The following CRMP1 variants were observed in gnomAD, a reference collection of about 807,000 sequenced individuals.
CRMP1 encodes dihydropyrimidinase-related protein 1.
Under a neutral mutation model 68.3 loss-of-function variants are expected in CRMP1, and 19 were observed. That is an observed-to-expected ratio of 0.28 (90% CI 0.19 to 0.41). The LOEUF (loss-of-function observed/expected upper bound fraction) is 0.41, where lower values mean the gene tolerates loss of function less well. Ranked by LOEUF, CRMP1 falls within the 10% of genes least tolerant of loss-of-function variation. CRMP1 has a pLI of 1.00. For synonymous variants in CRMP1, 439 were observed against 399.6 expected (o/e 1.10, Z -1.18); for missense variants, 791 against 967.4 (o/e 0.82, Z 2.42).
chr4:5,847,693 T>G (rs902094097), intron 6 of CRMP1, among the ~76,000 whole-genome samples: 3 of 152,258 alleles, frequency 2.0e-5, no homozygotes, highest in African/African-American at 7.2e-5. Context: ...TGAACCATCA[T>G]GTTGCTCTTC....
chr4:5,833,581 T>C lies in CRMP1; in HGVS notation c.1623+2334A>G, dbSNP rs918590451. On this transcript the variant is annotated intron_variant, in intron 11 of 13. Coordinates refer to ENST00000324989, the MANE Select transcript of CRMP1 (RefSeq NM_001014809.3). The stretch of plus-strand genomic sequence containing the variant: ...TCCTCTCTCTCTCTCCATTTTCTCA[T>C]TTATCAATAACAATATACCTAACTT... 2.0e-4 allele frequency among the ~76,000 whole-genome samples: 31 copies of C among 152,190 alleles called. 1 individual carries two copies. Among genetic ancestry groups the C allele is most frequent in the Admixed American group, 1.7e-3 (26 of 15,284 alleles).
Position 5,888,509 on chromosome 4 carries a change from G to A in CRMP1, c.381+4080C>T. The A allele has an allele frequency of 1.7e-6, 2 of 1,195,944 alleles. No individual in the cohort carries two copies. Among genetic ancestry groups the A allele is most frequent in the Non-Finnish European group, 2.1e-6 (2 of 965,138 alleles). 74.1% of individuals were successfully genotyped at this position (1,195,944 alleles called of 1,614,324 possible). ...AGGAGGGCGGGAGAAGGAGGAGGGA[G>A]AGGCGAGGGCGGGAGGAGGGGGCTG... On this transcript the variant is annotated intron_variant, in intron 1 of 13. Coordinates refer to ENST00000324989, the MANE Select transcript of CRMP1 (RefSeq NM_001014809.3). The surrounding 1 kb of genome is among the most constrained non-coding windows in gnomAD (Gnocchi z 6.4).
intron 6 of CRMP1, among the ~76,000 whole-genome samples, chr4:5,847,588 G>C (rs931009931): frequency 6.6e-6 from 1 of 152,160 alleles, no homozygotes; most frequent in African/African-American, 2.4e-5. Context: ...CATTGAATTT[G>C]AAAGAATTTC....
In CRMP1 at chr4:5,842,669, TACACACACTCACAC is replaced by T. The variant is rs1711864490; in HGVS notation, c.1032+410_1032+423del. The stretch of plus-strand genomic sequence containing the variant: ...TCTCTCTCACACACACACACTAACA[TACACACACTCACAC>T]ACACACATACACACACAGCCAGTCC... On this transcript the variant is annotated intron_variant, in intron 7 of 13. Coordinates refer to ENST00000324989, the MANE Select transcript of CRMP1 (RefSeq NM_001014809.3). This position sits in a 1 kb window ranked among gnomAD's most constrained non-coding sequence, Gnocchi z 4.5. Among the ~76,000 whole-genome samples the T allele has an allele frequency of 6.7e-6, 1 of 150,270 alleles. No homozygotes were observed. The highest frequency in any genetic ancestry group is 1.5e-5 in the Non-Finnish European group (1 of 67,504).
In CRMP1 at chr4:5,820,809, T is replaced by A. The variant is rs953612747; in HGVS notation, c.*951A>T. ...CAGTGGGCAGTTCATTTTCTTTATT[T>A]TTTCACAAGCTTTGAATTCAGAAAT... On this transcript the variant is annotated 3_prime_UTR_variant, in exon 14 of 14. Transcript: ENST00000324989. The A allele has an allele frequency of 6.6e-6, 1 of 150,578 alleles. No homozygotes were observed. Among genetic ancestry groups the A allele is most frequent in the African/African-American group, 2.5e-5 (1 of 40,390 alleles). The allele number at this position is 150,578 out of a possible 1,614,324, so 9.3% of individuals were successfully genotyped here. A position where few individuals can be genotyped will look rare whatever the true frequency, so the allele number is the denominator to read the frequency against.
intron 5 of CRMP1, among the ~76,000 whole-genome samples, chr4:5,851,178 G>A (rs1320690592): frequency 6.6e-6 from 1 of 152,148 alleles, no homozygotes; most frequent in East Asian, 1.9e-4. Context: ...CCAGATTTGG[G>A]AGCCACCAAA....
intron 9 of CRMP1, 127 bp from the exon 10 acceptor site, chr4:5,837,033 G>C (rs969019972): frequency 1.8e-6 from 2 of 1,091,784 alleles, no homozygotes; most frequent in South Asian, 3.2e-5. Flanking sequence ...GTGGGTAAGA[G>C]AGACTCTCTA....
chr4:5,861,324 G>A lies in CRMP1; in HGVS notation c.471-114C>T. The A allele has an allele frequency of 9.6e-7, 1 of 1,045,878 alleles. No homozygotes were observed. The highest frequency in any genetic ancestry group is 1.4e-6 in the Non-Finnish European group (1 of 716,452). The allele number at this position is 1,045,878 out of a possible 1,614,324, so 64.8% of individuals were successfully genotyped here. A position where few individuals can be genotyped will look rare whatever the true frequency, so the allele number is the denominator to read the frequency against. On this transcript the variant is annotated intron_variant, in intron 2 of 13. Coordinates refer to ENST00000324989, the MANE Select transcript of CRMP1 (RefSeq NM_001014809.3). The surrounding 1 kb of genome is among the most constrained non-coding windows in gnomAD (Gnocchi z 6.0). ...ATTTCTGAGCCAGGCCCTTCACAAGGCCCTGGGGAGACAGAGATAACTCAG... is the reference window on the plus strand; with the variant it reads ...ATTTCTGAGCCAGGCCCTTCACAAGACCCTGGGGAGACAGAGATAACTCAG...
intron 11 of CRMP1, among the ~76,000 whole-genome samples, chr4:5,832,040 TC>T (rs769667220): frequency 2.6e-5 from 4 of 152,182 alleles, no homozygotes; most frequent in Non-Finnish European, 2.9e-5. Context: ...CGGATGATCC[TC>T]AAAAATATGA....
intron 11 of CRMP1, among the ~76,000 whole-genome samples, chr4:5,831,022 C>T (rs1720346165): frequency 6.6e-6 from 1 of 152,184 alleles, no homozygotes; most frequent in South Asian, 2.1e-4. Flanking sequence ...GATCATGGCT[C>T]ACTATAGCCT....
chr4:5,840,820 G>C (rs1428640603), intron 8 of CRMP1, among the ~76,000 whole-genome samples: 1 of 152,084 alleles, frequency 6.6e-6, no homozygotes, highest in African/African-American at 2.4e-5. Flanking sequence ...AAGCTGTGCT[G>C]TTCTAGCCTC....
intron 11 of CRMP1, among the ~76,000 whole-genome samples, chr4:5,832,391 A>T (rs924781480): frequency 1.3e-5 from 2 of 152,234 alleles, no homozygotes; most frequent in African/African-American, 2.4e-5. Flanking sequence ...CATACCCATG[A>T]TGTGGCACTT....
At position 5,828,551 on chromosome 4, in the gene CRMP1, G is replaced by A. The variant is rs146163071; in HGVS notation, c.1741C>T (p.Arg581Cys). Residue 581 changes from arginine to cysteine, a missense_variant, in exon 12 of 14, where the codon CGC becomes TGC. By Grantham distance (180) the Arg-to-Cys change is radical (BLOSUM62 -3). Transcript: ENST00000324989. ...GGGAACGCCTTCCGCGGAATGAAGC[G>A]GCCCATGCCCTTGTTGACGTTGATG... The part of the protein sequence containing the change: ...GNINVNKGMG[R>C]FIPRKAFPEH... The A allele has an allele frequency of 6.3e-5, 102 of 1,614,076 alleles. No individual in the cohort carries two copies. The highest frequency in any genetic ancestry group is 1.0e-4 in the Admixed American group (6 of 60,002).
chr4:5,866,097 C>T lies in CRMP1; in HGVS notation c.470+571G>A, dbSNP rs1713979163. On this transcript the variant is annotated intron_variant, in intron 2 of 13. Coordinates refer to ENST00000324989, the MANE Select transcript of CRMP1 (RefSeq NM_001014809.3). This position sits in a 1 kb window ranked among gnomAD's most constrained non-coding sequence, Gnocchi z 5.9. The stretch of plus-strand genomic sequence containing the variant: ...CCGGCAGCCAGCGCTGGCTAAGACA[C>T]CTGGGTTGTCATAAGCAGGGCTGAA... 1.3e-5 allele frequency among the ~76,000 whole-genome samples: 2 copies of T among 152,152 alleles called. No homozygotes were observed. Among genetic ancestry groups the T allele is most frequent in the Non-Finnish European group, 2.9e-5 (2 of 68,030 alleles).
At chr4:5,873,557 G>C (rs1022366749) in intron 1 of CRMP1, among the ~76,000 whole-genome samples, 5 of 151,842 alleles carry the variant, frequency 3.3e-5, no homozygotes, top group Non-Finnish European at 7.4e-5. Flanking sequence ...GAGAGAGAGT[G>C]GGGAGGTACC....
intron 13 of CRMP1, among the ~76,000 whole-genome samples, chr4:5,822,708 G>A (rs960029040): frequency 1.3e-5 from 2 of 152,188 alleles, no homozygotes. Flanking sequence ...AGGGGAAGTT[G>A]AGCCGGCGGA....
At position 5,865,570 on chromosome 4, in the gene CRMP1, G is replaced by A. The variant is rs867110857; in HGVS notation, c.470+1098C>T. Among the ~76,000 whole-genome samples, 6 of 149,336 alleles carry A rather than the reference G, an allele frequency of 4.0e-5. No homozygotes were observed. The highest frequency in any genetic ancestry group is 4.4e-5 in the Non-Finnish European group (3 of 67,688). ...CGGGAAGTGGAGGTTGCAGTGAGCCGAGATTGTGCCACTGCACTCCAGCCT... is the reference window on the plus strand; with the variant it reads ...CGGGAAGTGGAGGTTGCAGTGAGCCAAGATTGTGCCACTGCACTCCAGCCT... On this transcript the variant is annotated intron_variant, in intron 2 of 13. Transcript: ENST00000324989. This position sits in a 1 kb window ranked among gnomAD's most constrained non-coding sequence, Gnocchi z 4.1.
At chr4:5,837,051 C>G (rs537203686) in intron 9 of CRMP1, 145 bp from the exon 10 acceptor site, 496 of 905,966 alleles carry the variant, frequency 5.5e-4, no homozygotes, top group Non-Finnish European at 7.7e-4. Flanking sequence ...CTAGCGTGTG[C>G]CTGCACGTGT....
chr4:5,830,976 T>A (rs1413941559), intron 11 of CRMP1, among the ~76,000 whole-genome samples: 2 of 152,194 alleles, frequency 1.3e-5, no homozygotes, highest in African/African-American at 2.4e-5. Context: ...GTTTGGTTGT[T>A]TTGAGACAGG....
Sources: gnomAD v4.1 joint callset for allele counts (sites outside exome capture counted in the v4.1 genomes callset) on GRCh38, gnomAD v4.1.1 for gene constraint, Gnocchi (gnomAD v3.1) non-coding constraint, MANE v1.5 for transcripts, NCBI Gene and HGNC (gene_info 2026-07-23, HGNC 2026-07-21) for gene names.